The following ACBD6 variants were observed in gnomAD, a reference collection of about 807,000 sequenced individuals.
ACBD6 encodes acyl-CoA-binding domain-containing protein 6.
Under a neutral mutation model 37.2 loss-of-function variants are expected in ACBD6, and 28 were observed. That is an observed-to-expected ratio of 0.75 (90% CI 0.56 to 1.03). The LOEUF (loss-of-function observed/expected upper bound fraction) is 1.03. Among genes scored for constraint, ACBD6 ranks in the 50% least tolerant of loss-of-function variants. The probability of loss-of-function intolerance (pLI) is 0.00; values close to 1 mark genes in which losing one functional copy is unlikely to be tolerated. For synonymous variants in ACBD6, 113 were observed against 126.8 expected, an observed-to-expected ratio of 0.89 and a Z score of 0.73; for missense variants, 340 against 337.4, an observed-to-expected ratio of 1.01 and a Z score of -0.06.
At chr1:180,435,218 G>A (rs1648980389) in intron 3 of ACBD6, 1 of 681,430 alleles carries the variant, frequency 1.5e-6, no homozygotes, top group Non-Finnish European at 2.8e-6. Flanking sequence ...GTACTCTGGT[G>A]CTGGGTTACG....
At chr1:180,480,774 G>A (rs1651001782) in intron 3 of ACBD6, among the ~76,000 whole-genome samples, 1 of 152,126 alleles carries the variant, frequency 6.6e-6, no homozygotes, top group African/African-American at 2.4e-5. Context: ...GCTCATGCCT[G>A]TAATCTAGCA....
intron 6 of ACBD6, among the ~76,000 whole-genome samples, chr1:180,325,114 G>A (rs573761036): frequency 6.6e-6 from 1 of 152,102 alleles, no homozygotes; most frequent in African/African-American, 2.4e-5. Flanking sequence ...TAACCTTCTT[G>A]TGCTTGAATG....
chr1:180,271,699 G>A, exon 14 of ACBD6: 2 of 1,285,312 alleles, frequency 1.6e-6, no homozygotes, highest in Non-Finnish European at 2.3e-6. Flanking sequence ...GGGAGAGGGG[G>A]TGGGGCGCAT....
chr1:180,282,858 A>G (rs1341152612), intron 8 of ACBD6, among the ~76,000 whole-genome samples: 1 of 152,168 alleles, frequency 6.6e-6, no homozygotes, highest in South Asian at 2.1e-4. Context: ...CGCATTAACC[A>G]CTTTCTGTAT....
intron 2 of ACBD6, among the ~76,000 whole-genome samples, chr1:180,494,861 A>G (rs940891630): frequency 2.0e-5 from 3 of 152,334 alleles, no homozygotes; most frequent in Admixed American, 6.5e-5. Flanking sequence ...CTTCTGAATT[A>G]TAAGTTAAAA....
intron 3 of ACBD6, among the ~76,000 whole-genome samples, chr1:180,479,308 G>A (rs61811618): frequency 0.021 from 3,172 of 152,112 alleles, 51 homozygotes; most frequent in Non-Finnish European, 0.026. Flanking sequence ...GAAATATTAC[G>A]CAGCTATAAA....
At chr1:180,428,979 T>C (rs1194855354) in intron 4 of ACBD6, among the ~76,000 whole-genome samples, 1 of 152,192 alleles carries the variant, frequency 6.6e-6, no homozygotes, top group Non-Finnish European at 1.5e-5. Flanking sequence ...CACTAAACTA[T>C]CAGCTCTTCA....
At chr1:180,371,546 C>T (rs1250691464) in intron 6 of ACBD6, among the ~76,000 whole-genome samples, 1 of 152,080 alleles carries the variant, frequency 6.6e-6, no homozygotes, top group Non-Finnish European at 1.5e-5. Context: ...GGAGTTGGGG[C>T]CTACTTTTTT....
chr1:180,326,092 T>C (rs567430867), intron 6 of ACBD6, among the ~76,000 whole-genome samples: 1 of 152,284 alleles, frequency 6.6e-6, no homozygotes, highest in Non-Finnish European at 1.5e-5. Context: ...CAGCCAGGTT[T>C]TTGTCCTTTC....
chr1:180,420,844 G>GAC (rs1648332078), intron 4 of ACBD6, among the ~76,000 whole-genome samples: 1 of 152,142 alleles, frequency 6.6e-6, no homozygotes, highest in South Asian at 2.1e-4. Context: ...AAACCCGCCT[G>GAC]AATTTGCAGA....
intron 3 of ACBD6, among the ~76,000 whole-genome samples, chr1:180,487,476 G>A (rs536723954): frequency 1.3e-5 from 2 of 152,140 alleles, no homozygotes; most frequent in South Asian, 4.2e-4. Flanking sequence ...CAGTATAGTC[G>A]CACTGTATAT....
chr1:180,293,086 T>G (rs528071316), intron 7 of ACBD6, among the ~76,000 whole-genome samples: 3 of 152,316 alleles, frequency 2.0e-5, no homozygotes, highest in Non-Finnish European at 2.9e-5. Flanking sequence ...TGCACAAAAT[T>G]TATTAACCTT....
In ACBD6 at chr1:180,436,466, G is replaced by A. The variant is rs946169994; in HGVS notation, c.385-6204C>T. Among the ~76,000 whole-genome samples the A allele has an allele frequency of 5.9e-4, 90 of 152,116 alleles. 2 individuals carry two copies. The highest frequency in any genetic ancestry group is 1.3e-4 in the Non-Finnish European group (9 of 68,020). ...AGAGTGGTGTGGTCACGATTCTTTT[G>A]TGCCATTTTGGGGTGGAGAGGGTGG... On this transcript the variant is annotated intron_variant, in intron 3 of 7. Coordinates refer to ENST00000367595, the MANE Select transcript of ACBD6 (RefSeq NM_032360.4).
In ACBD6 at chr1:180,271,175, CTT is replaced by C. The variant is rs909539210; in HGVS notation, c.*2048_*2049del. ...AGCAGAGAAAGGACTGCTGTCCTCA[CTT>C]TTCAGTGGCTTGGGAAGGCCCGTGG... On this transcript the variant is annotated 3_prime_UTR_variant, in exon 14 of 14. Coordinates refer to the ACBD6 transcript ENST00000642319. 5 of 643,462 alleles carry C rather than the reference CTT, an allele frequency of 7.8e-6. No individual in the cohort carries two copies. The African/African-American group carries it at 8.9e-5, about 11-fold the overall frequency. The allele number at this position is 643,462 out of a possible 1,614,324, so 39.9% of individuals were successfully genotyped here.
chr1:180,325,053 C>A (rs2149296927), intron 6 of ACBD6, among the ~76,000 whole-genome samples: 1 of 152,122 alleles, frequency 6.6e-6, no homozygotes, highest in East Asian at 1.9e-4. Context: ...CCTCTGGGAG[C>A]TTGATTATTA....
intron 8 of ACBD6, among the ~76,000 whole-genome samples, chr1:180,282,686 A>G (rs922465211): frequency 6.6e-5 from 10 of 152,190 alleles, no homozygotes; most frequent in African/African-American, 2.4e-4. Flanking sequence ...GCAGGGCTTA[A>G]AGCTGGAGGA....
At chr1:180,475,054 A>G (rs1650725606) in intron 3 of ACBD6, among the ~76,000 whole-genome samples, 1 of 152,278 alleles carries the variant, frequency 6.6e-6, no homozygotes, top group Admixed American at 6.5e-5. Flanking sequence ...AGATTTAAAA[A>G]TCCATTAAGC....
intron 6 of ACBD6, among the ~76,000 whole-genome samples, chr1:180,379,911 C>T (rs1653575296): frequency 1.3e-5 from 2 of 152,106 alleles, no homozygotes; most frequent in Non-Finnish European, 2.9e-5. Flanking sequence ...CAAAGATCCC[C>T]AAATAGAAAC....
intron 6 of ACBD6, among the ~76,000 whole-genome samples, chr1:180,389,675 T>G (rs937306310): frequency 6.6e-6 from 1 of 152,182 alleles, no homozygotes; most frequent in Non-Finnish European, 1.5e-5. Flanking sequence ...TGTTTCCTGA[T>G]TTTTTAATGA....
Sources: gnomAD v4.1 joint callset for allele counts (sites outside exome capture counted in the v4.1 genomes callset) on GRCh38, gnomAD v4.1.1 for gene constraint, MANE v1.5 for transcripts, NCBI Gene and HGNC (gene_info 2026-07-23, HGNC 2026-07-21) for gene names.